The following RORA variants were observed in gnomAD, a reference collection of about 807,000 sequenced individuals.
RORA encodes RAR related orphan receptor A, also known as nuclear receptor ROR-alpha.
A neutral mutation model predicts 69.5 loss-of-function variants in RORA; 7 were observed. That is an observed-to-expected ratio of 0.10 (90% CI 0.06 to 0.19). The LOEUF (loss-of-function observed/expected upper bound fraction) is 0.19, where lower values mean the gene tolerates loss of function less well. RORA is among the 10% of genes least tolerant of loss of function. RORA has a pLI of 1.00. For synonymous variants in RORA, 261 were observed against 240.8 expected, an observed-to-expected ratio of 1.08 and a Z score of -0.78; for missense variants, 457 against 663.0, an observed-to-expected ratio of 0.69 and a Z score of 3.41.
intron 2 of RORA, among the ~76,000 whole-genome samples, chr15:60,588,484 T>TCCATC (rs1567108408): frequency 2.6e-5 from 3 of 114,730 alleles, no homozygotes; most frequent in Non-Finnish European, 3.7e-5. Context: ...ATCCATCCAG[T>TCCATC]AACTTTTCTC....
intron 1 of RORA, among the ~76,000 whole-genome samples, chr15:60,886,240 T>C (rs1350175719): frequency 6.6e-6 from 1 of 151,822 alleles, no homozygotes; most frequent in African/African-American, 2.4e-5. Flanking sequence ...TAAAAAAAGA[T>C]CAAAAAGGAG....
chr15:60,516,924 TAA>T (rs984383895), intron 3 of RORA, among the ~76,000 whole-genome samples: 1 of 152,030 alleles, frequency 6.6e-6, no homozygotes, highest in Non-Finnish European at 1.5e-5. Flanking sequence ...TAAAAGGTGA[TAA>T]AAATATACCA....
intron 1 of RORA, among the ~76,000 whole-genome samples, chr15:60,988,685 C>T (rs945127199): frequency 2.6e-5 from 4 of 152,140 alleles, no homozygotes; most frequent in African/African-American, 9.7e-5. Flanking sequence ...TCTATTCCCA[C>T]CCCTCCAAAG....
At chr15:61,010,876 A>G (rs2140394151) in intron 1 of RORA, among the ~76,000 whole-genome samples, 1 of 152,252 alleles carries the variant, frequency 6.6e-6, no homozygotes, top group South Asian at 2.1e-4. Flanking sequence ...TTCTACTTAC[A>G]TCAATGAGCC....
At chr15:60,931,976 G>C (rs1892385500) in intron 1 of RORA, among the ~76,000 whole-genome samples, 1 of 151,958 alleles carries the variant, frequency 6.6e-6, no homozygotes, top group South Asian at 2.1e-4. Context: ...ATTGATTATG[G>C]TACCAATTCT....
chr15:60,746,565 C>T (rs1363388035), intron 1 of RORA, among the ~76,000 whole-genome samples: 1 of 152,118 alleles, frequency 6.6e-6, no homozygotes, highest in Non-Finnish European at 1.5e-5. Flanking sequence ...ATGCAGACTC[C>T]TGGTAGCCGG....
intron 2 of RORA, among the ~76,000 whole-genome samples, chr15:60,590,642 A>G (rs2068472922): frequency 6.6e-6 from 1 of 152,174 alleles, no homozygotes; most frequent in South Asian, 2.1e-4. Context: ...GAGGGCATTT[A>G]AGACGTTTCA....
At chr15:60,915,411 C>A (rs919127646) in intron 1 of RORA, among the ~76,000 whole-genome samples, 3 of 152,188 alleles carry the variant, frequency 2.0e-5, no homozygotes, top group Non-Finnish European at 4.4e-5. Context: ...GGCCCCAGTG[C>A]AGAGGAGGGG....
chr15:60,528,130 C>T (rs1024724090), intron 3 of RORA: 1 of 152,428 alleles, frequency 6.6e-6, no homozygotes, highest in African/African-American at 2.4e-5. Context: ...TCATAGCTCA[C>T]CAGGAGCCTT....
chr15:60,886,713 T>A (rs2073754221), intron 1 of RORA, among the ~76,000 whole-genome samples: 1 of 152,218 alleles, frequency 6.6e-6, no homozygotes, highest in East Asian at 1.9e-4. Context: ...GATGAAAGAA[T>A]CAAAACTCTG....
At chr15:60,573,527 C>A (rs1315360931) in intron 2 of RORA, among the ~76,000 whole-genome samples, 1 of 152,188 alleles carries the variant, frequency 6.6e-6, no homozygotes, top group Non-Finnish European at 1.5e-5. Flanking sequence ...TATCTGGCAG[C>A]CTCCCTCCGT....
At chr15:60,527,261 A>C (rs796584237) in intron 3 of RORA, among the ~76,000 whole-genome samples, 5 of 152,378 alleles carry the variant, frequency 3.3e-5, no homozygotes, top group African/African-American at 1.2e-4. Flanking sequence ...GTGTGTCTTG[A>C]GATCAAATGT....
At chr15:60,863,211 A>G (rs1222703899) in intron 1 of RORA, among the ~76,000 whole-genome samples, 1 of 152,260 alleles carries the variant, frequency 6.6e-6, no homozygotes, top group Non-Finnish European at 1.5e-5. Flanking sequence ...CAGCACAGAT[A>G]GTGACAGAGC....
intron 1 of RORA, among the ~76,000 whole-genome samples, chr15:61,021,667 G>A (rs1318012251): frequency 1.3e-5 from 2 of 152,126 alleles, no homozygotes; most frequent in Admixed American, 6.5e-5. Context: ...TGCAATCCCC[G>A]GACCAGATGC....
At chr15:60,825,246 C>T (rs2072941071) in intron 1 of RORA, among the ~76,000 whole-genome samples, 1 of 152,198 alleles carries the variant, frequency 6.6e-6, no homozygotes, top group Non-Finnish European at 1.5e-5. Context: ...TCTAGAACCA[C>T]ACCTCAGAGC....
intron 1 of RORA, among the ~76,000 whole-genome samples, chr15:61,045,918 C>A (rs891659445): frequency 2.6e-5 from 4 of 152,192 alleles, no homozygotes; most frequent in Admixed American, 6.5e-5. Flanking sequence ...ATGCAGAGAA[C>A]AACAGGCACA....
chr15:60,775,568 T>A (rs1425236594), intron 1 of RORA, among the ~76,000 whole-genome samples: 5 of 152,212 alleles, frequency 3.3e-5, no homozygotes. Flanking sequence ...CTTTAAGATC[T>A]CTTTTCCTTC....
intron 1 of RORA, among the ~76,000 whole-genome samples, chr15:60,853,102 G>A (rs1021385465): frequency 6.6e-6 from 1 of 151,110 alleles, no homozygotes; most frequent in Non-Finnish European, 1.5e-5. Flanking sequence ...TCAGAGTTCA[G>A]GGCGGAGGGG....
At chr15:61,030,238 T>C (rs926323194) in intron 1 of RORA, among the ~76,000 whole-genome samples, 1 of 152,100 alleles carries the variant, frequency 6.6e-6, no homozygotes, top group South Asian at 2.1e-4. Context: ...AAGGACCTGA[T>C]TGAGACAATG....
Sources: gnomAD v4.1 joint callset for allele counts (sites outside exome capture counted in the v4.1 genomes callset) on GRCh38, gnomAD v4.1.1 for gene constraint, MANE v1.5 for transcripts, NCBI Gene and HGNC (gene_info 2026-07-23, HGNC 2026-07-21) for gene names.